Variants in DNAAF4 observed in about 807,000 individuals in gnomAD.
The protein encoded by DNAAF4 is dynein axonemal assembly factor 4.
Under a neutral mutation model 51.8 loss-of-function variants are expected in DNAAF4, and 43 were observed. The observed-to-expected ratio is 0.83, with a 90% confidence interval of 0.65 to 1.07. The LOEUF (loss-of-function observed/expected upper bound fraction) is 1.07. DNAAF4 is among the 50% of genes least tolerant of loss of function. The pLI, the probability that DNAAF4 is intolerant of heterozygous loss-of-function variation, is 0.00. For synonymous variants in DNAAF4, 194 were observed against 165.6 expected (o/e 1.17, Z -1.32); for missense variants, 581 against 493.0 (o/e 1.18, Z -1.69).
At position 55,439,441 on chromosome 15, in the gene DNAAF4, A is replaced by G. The variant is rs1023487717; in HGVS notation, c.893+31T>C. The G allele has an allele frequency of 7.7e-6, 12 of 1,552,454 alleles. No homozygotes were observed. The Middle Eastern group carries it at 6.7e-4, about 87-fold the overall frequency. ...AACTGCTAATGTCTTCATACATGAT[A>G]AAGCTCATGATCAGAGTTCAAACAA... On this transcript the variant is annotated intron_variant, in intron 7 of 9. Coordinates refer to ENST00000321149, the MANE Select transcript of DNAAF4 (RefSeq NM_130810.4).
intron 1 of DNAAF4, among the ~76,000 whole-genome samples, chr15:55,504,912 T>A (rs929557172): frequency 1.3e-5 from 2 of 152,112 alleles, no homozygotes; most frequent in Non-Finnish European, 2.9e-5. Context: ...AAAGCCAAAA[T>A]TGACAAATGG....
chr15:55,484,915 T>G (rs117302889), intron 4 of DNAAF4, among the ~76,000 whole-genome samples: 5,089 of 152,266 alleles, frequency 0.033, 207 homozygotes, highest in Admixed American at 0.12. Context: ...CCACCCAGAT[T>G]AAGGGTGGGT....
At chr15:55,449,371 T>G (rs1383063624) in intron 6 of DNAAF4, among the ~76,000 whole-genome samples, 1 of 151,444 alleles carries the variant, frequency 6.6e-6, no homozygotes, top group East Asian at 2.0e-4. Flanking sequence ...AGTAAAAAAA[T>G]GCAGTTCTTG....
chr15:55,467,165 T>C lies in DNAAF4; in HGVS notation c.406-4A>G. 6.6e-7 allele frequency: 1 copy of C among 1,526,256 alleles called. No individual in the cohort carries two copies. Among genetic ancestry groups the C allele is most frequent in the Non-Finnish European group, 8.8e-7 (1 of 1,134,350 alleles). The allele number at this position is 1,526,256 out of a possible 1,614,324, so 94.5% of individuals were successfully genotyped here. On this transcript the variant is annotated splice_region_variant and splice_polypyrimidine_tract_variant and intron_variant, in intron 4 of 9. Transcript: ENST00000321149. ...TTTTCCTCTCTTCTTCTTCAATCTATAACAATTGCAATTACCAAATTCTTT... is the reference window on the plus strand; with the variant it reads ...TTTTCCTCTCTTCTTCTTCAATCTACAACAATTGCAATTACCAAATTCTTT...
chr15:55,494,568 C>T (rs185082222), intron 3 of DNAAF4, among the ~76,000 whole-genome samples: 45 of 152,080 alleles, frequency 3.0e-4, no homozygotes, highest in African/African-American at 9.9e-4. Context: ...TCCACTACCA[C>T]GCCTGACGAA....
chr15:55,473,757 G>A (rs1224917185), intron 4 of DNAAF4, among the ~76,000 whole-genome samples: 7 of 152,082 alleles, frequency 4.6e-5, no homozygotes, highest in African/African-American at 9.7e-5. Flanking sequence ...TTGGGAGGCC[G>A]AGGGAGGTGG....
intron 8 of DNAAF4, among the ~76,000 whole-genome samples, chr15:55,433,207 G>C (rs955296992): frequency 6.6e-6 from 1 of 152,170 alleles, no homozygotes; most frequent in African/African-American, 2.4e-5. Flanking sequence ...GGCTGAGGCA[G>C]GAGAATCACT....
At chr15:55,438,211 C>T (rs1264533502) in intron 7 of DNAAF4, among the ~76,000 whole-genome samples, 5 of 151,488 alleles carry the variant, frequency 3.3e-5, no homozygotes, top group Non-Finnish European at 7.4e-5. Context: ...ATTAGTTGGG[C>T]GTGGTGGCAG....
chr15:55,434,904 C>T lies in DNAAF4; in HGVS notation c.1047+1G>A, dbSNP rs779538333. 1.3e-5 allele frequency: 21 copies of T among 1,605,178 alleles called. No homozygotes were observed. The highest frequency in any genetic ancestry group is 1.6e-5 in the Non-Finnish European group (19 of 1,177,620). ...CATATATCATACATAGATATCCATA[C>T]CTTAGAAGAATCTTCAATAGCCTTG... On this transcript the variant is annotated splice_donor_variant, in intron 8 of 9. Coordinates refer to ENST00000321149, the MANE Select transcript of DNAAF4 (RefSeq NM_130810.4). LOFTEE classifies it high-confidence loss of function.
intron 3 of DNAAF4, among the ~76,000 whole-genome samples, chr15:55,493,013 T>C (rs544130164): frequency 6.6e-6 from 1 of 152,212 alleles, no homozygotes; most frequent in Non-Finnish European, 1.5e-5. Flanking sequence ...AAAACTCTTA[T>C]GTTAAAATCC....
Position 55,450,200 on chromosome 15 carries a change from T to C in DNAAF4, c.783+22A>G, listed in dbSNP as rs183342389. ...AAAGTATTTTCATTTGTGGTAATTGTAACTAGAGTAAGTATATATACCTCC... is the reference window on the plus strand; with the variant it reads ...AAAGTATTTTCATTTGTGGTAATTGCAACTAGAGTAAGTATATATACCTCC... On this transcript the variant is annotated intron_variant, in intron 6 of 9. Coordinates refer to ENST00000321149, the MANE Select transcript of DNAAF4 (RefSeq NM_130810.4). 1.9e-6 allele frequency: 3 copies of C among 1,566,864 alleles called. No homozygotes were observed. The African/African-American group carries it at 4.1e-5, about 21-fold the overall frequency.
intron 6 of DNAAF4, chr15:55,443,162 T>G: frequency 6.2e-7 from 1 of 1,610,708 alleles, no homozygotes; most frequent in Non-Finnish European, 8.5e-7. Flanking sequence ...CATTTCTTCA[T>G]AAACTGGTCA....
chr15:55,484,214 T>G (rs2058453728), intron 4 of DNAAF4, among the ~76,000 whole-genome samples: 1 of 152,054 alleles, frequency 6.6e-6, no homozygotes. Context: ...CCGGGCGCGG[T>G]GGCTCATGCC....
At chr15:55,465,812 C>G (rs989033481) in intron 5 of DNAAF4, among the ~76,000 whole-genome samples, 1 of 151,990 alleles carries the variant, frequency 6.6e-6, no homozygotes, top group South Asian at 2.1e-4. Context: ...ATGATCTGCC[C>G]GCCTTGTCCT....
intron 4 of DNAAF4, among the ~76,000 whole-genome samples, chr15:55,481,185 T>G (rs549136890): frequency 6.6e-6 from 1 of 152,280 alleles, no homozygotes; most frequent in Non-Finnish European, 1.5e-5. Context: ...AGTGTGAGAA[T>G]GGACTAATAC....
At chr15:55,503,902 A>T (rs1206703404) in intron 1 of DNAAF4, among the ~76,000 whole-genome samples, 1 of 152,222 alleles carries the variant, frequency 6.6e-6, no homozygotes, top group African/African-American at 2.4e-5. Context: ...CCAATTCAAT[A>T]TAGTAATGGA....
chr15:55,452,211 G>T (rs2057944314), intron 5 of DNAAF4, among the ~76,000 whole-genome samples: 1 of 114,838 alleles, frequency 8.7e-6, no homozygotes, highest in Non-Finnish European at 1.6e-5. Context: ...TCACGCCACT[G>T]CACTCCAGCC....
At position 55,498,227 on chromosome 15, in the gene DNAAF4, A is replaced by G. The variant is rs1288206962; in HGVS notation, c.103T>C (p.Cys35Arg). 2.5e-6 allele frequency: 4 copies of G among 1,614,020 alleles called. No homozygotes were observed. Among genetic ancestry groups the G allele is most frequent in the Non-Finnish European group, 3.4e-6 (4 of 1,179,942 alleles). Residue 35 changes from cysteine (C) to arginine (R), a missense_variant, in exon 2 of 10, where the codon TGC becomes CGC. Coordinates refer to ENST00000321149, the MANE Select transcript of DNAAF4 (RefSeq NM_130810.4). The part of the protein sequence containing the change: ...GVCVRDTDVF[C>R]TENYLKVNFP... ...CTTACCTTCAGATAGTTTTCCGTGC[A>G]GAACACGTCCGTGTCTCTGACGCAC...
intron 1 of DNAAF4, among the ~76,000 whole-genome samples, chr15:55,499,858 T>G (rs948329837): frequency 1.3e-5 from 2 of 152,174 alleles, no homozygotes; most frequent in Non-Finnish European, 2.9e-5. Flanking sequence ...CACAAACCAT[T>G]TTCGTATAGA....
Sources: gnomAD v4.1 joint callset for allele counts (sites outside exome capture counted in the v4.1 genomes callset) on GRCh38, gnomAD v4.1.1 for gene constraint, MANE v1.5 for transcripts, NCBI Gene and HGNC (gene_info 2026-07-23, HGNC 2026-07-21) for gene names.